The following HSPG2 variants were observed in gnomAD, a reference collection of about 807,000 sequenced individuals.
The protein encoded by HSPG2 is basement membrane-specific heparan sulfate proteoglycan core protein.
A neutral mutation model predicts 526.6 loss-of-function variants in HSPG2; 278 were observed. That is an observed-to-expected ratio of 0.53 (90% confidence interval 0.48 to 0.58). The LOEUF is 0.58. Ranked by LOEUF, HSPG2 falls within the 20% of genes least tolerant of loss-of-function variation. HSPG2 has a pLI of 0.00. For missense variants in HSPG2, 5,354 were observed against 6,099.5 expected (o/e 0.88, Z 4.07); for synonymous variants, 2,465 against 2,555.4 (o/e 0.96, Z 1.07).
chr1:21,841,504 C>T, intron 70 of HSPG2, 35 bp downstream of exon 70: 1 of 1,613,850 alleles, frequency 6.2e-7, no homozygotes, highest in Non-Finnish European at 8.5e-7. Flanking sequence ...GGGCTGGAAA[C>T]AGGGCAGAGC....
rs903217886 is a variant in HSPG2 at position 21,865,321 on chromosome 1, G to A, written c.4359C>T (p.Gly1453=). Residue 1453 remains glycine, a synonymous_variant, in exon 35 of 97, where the codon GGC becomes GGT. Coordinates refer to ENST00000374695, the MANE Select transcript of HSPG2 (RefSeq NM_005529.7). The surrounding 1 kb of genome is among the most constrained non-coding windows in gnomAD (Gnocchi z 5.4). ...TGATCTCGTAGCTCCTCCTCTCAGGGCCCTGCAGCGCTGGCTGGGAGGCCA... is the reference window on the plus strand; with the variant it reads ...TGATCTCGTAGCTCCTCCTCTCAGGACCCTGCAGCGCTGGCTGGGAGGCCA... ...MLVASQPALQ[G]PERRSYEIMF... is the part of the protein sequence containing the mutation. 9.3e-6 allele frequency: 15 copies of A among 1,614,112 alleles called. No individual in the cohort carries two copies. The highest frequency in any genetic ancestry group is 1.3e-5 in the Non-Finnish European group (15 of 1,179,994).
Position 21,838,867 on chromosome 1 carries a change from T to C in HSPG2, c.10108A>G (p.Lys3370Glu), listed in dbSNP as rs1280739440. Reference protein sequence around the residue: ...SGRYRCRVTNKVGSAEAFAQL... With the variant: ...SGRYRCRVTNEVGSAEAFAQL... ...GCAAAGGCCTCGGCTGAGCCCACCT[T>C]GTTGGTGACCCGGCAGCGGTAGCGG... The change falls in exon 74 of 97, where the codon AAG (lysine) becomes GAG (glutamate). Residue 3370 changes from lysine to glutamate, a missense_variant. Transcript: ENST00000374695. The C allele has an allele frequency of 6.2e-7, 1 of 1,612,796 alleles. No individual in the cohort carries two copies. Among genetic ancestry groups the C allele is most frequent in the East Asian group, 2.2e-5 (1 of 44,876 alleles).
In HSPG2 at chr1:21,828,204, C is replaced by T. The variant is rs191807581; in HGVS notation, c.12409+51G>A. 0.011 allele frequency: 17,738 copies of T among 1,612,736 alleles called. 123 individuals are homozygous for T. The highest frequency in any genetic ancestry group is 0.012 in the South Asian group (1,100 of 91,054). ...GTGGGTGGGCATGGGCTGGAGGTGT[C>T]GCTGACCACCTGTGCCCCTCCCCTC... On this transcript the variant is annotated intron_variant, in intron 89 of 96. Coordinates refer to ENST00000374695, the MANE Select transcript of HSPG2 (RefSeq NM_005529.7). This position sits in a 1 kb window ranked among gnomAD's most constrained non-coding sequence, Gnocchi z 6.0.
At chr1:21,919,581 T>C (rs976645261) in intron 1 of HSPG2, among the ~76,000 whole-genome samples, 8 of 151,460 alleles carry the variant, frequency 5.3e-5, no homozygotes, top group Non-Finnish European at 1.2e-4. Context: ...ATTGATGGAG[T>C]TTCTATGGCA....
Position 21,898,776 on chromosome 1 carries a change from T to C in HSPG2, c.64-2466A>G, listed in dbSNP as rs1341447568. Among the ~76,000 whole-genome samples, 1 of 152,182 alleles carries C rather than the reference T, an allele frequency of 6.6e-6. No homozygotes were observed. Among genetic ancestry groups the C allele is most frequent in the African/African-American group, 2.4e-5 (1 of 41,454 alleles). Reference sequence around the variant, plus strand: ...TCAACCTGGTGGGGGGCTCTGTCAATGCCAATCCCCCTCTCATTGCAACCA... The same window carrying C: ...TCAACCTGGTGGGGGGCTCTGTCAACGCCAATCCCCCTCTCATTGCAACCA... On this transcript the variant is annotated intron_variant, in intron 1 of 96. Transcript: ENST00000374695. The surrounding 1 kb of genome is among the most constrained non-coding windows in gnomAD (Gnocchi z 4.0).
chr1:21,892,484 G>A (rs985143963), intron 3 of HSPG2, among the ~76,000 whole-genome samples: 2 of 152,232 alleles, frequency 1.3e-5, no homozygotes, highest in East Asian at 1.9e-4. Context: ...TTCGTTCTTC[G>A]AGACCAAGGG....
At chr1:21,927,343 T>C (rs1644226626) in intron 1 of HSPG2, among the ~76,000 whole-genome samples, 1 of 152,088 alleles carries the variant, frequency 6.6e-6, no homozygotes, top group Non-Finnish European at 1.5e-5. Flanking sequence ...CCCAGGCCTG[T>C]GTGTCTCTCT....
chr1:21,845,425 C>T (rs1177036222), intron 64 of HSPG2, among the ~76,000 whole-genome samples: 1 of 152,062 alleles, frequency 6.6e-6, no homozygotes, highest in Non-Finnish European at 1.5e-5. Context: ...GTTGCCCAGG[C>T]TGGAGTGCAG....
At chr1:21,899,715 T>A (rs1642987573) in intron 1 of HSPG2, among the ~76,000 whole-genome samples, 1 of 152,206 alleles carries the variant, frequency 6.6e-6, no homozygotes. Context: ...TAGTATCACC[T>A]GAGTTGACAG....
rs16826011 is a variant in HSPG2 at position 21,872,921 on chromosome 1, G to A, written c.3888+76C>T. Reference sequence around the variant, plus strand: ...CATGCCCAGGTCTCGGCTTCCACCAGATGCTGCCTGATTTCCCCGCAGGGT... The same window carrying A: ...CATGCCCAGGTCTCGGCTTCCACCAAATGCTGCCTGATTTCCCCGCAGGGT... On this transcript the variant is annotated intron_variant, in intron 31 of 96. Transcript: ENST00000374695. This position sits in a 1 kb window ranked among gnomAD's most constrained non-coding sequence, Gnocchi z 5.5. 0.043 allele frequency: 67,358 copies of A among 1,552,066 alleles called. 3,776 individuals carry two copies. The highest frequency in any genetic ancestry group is 0.28 in the African/African-American group (20,406 of 73,814).
chr1:21,877,781 A>G (rs1288582067), intron 21 of HSPG2, among the ~76,000 whole-genome samples: 9 of 152,204 alleles, frequency 5.9e-5, no homozygotes, highest in Non-Finnish European at 1.5e-5. Context: ...TACAGGCGTG[A>G]GCCACTGCGC....
In HSPG2 at chr1:21,833,323, C is replaced by T. The variant is rs2098012702; in HGVS notation, c.11040G>A (p.Lys3680=). 1 of 1,614,012 alleles carries T rather than the reference C, an allele frequency of 6.2e-7. No homozygotes were observed. Among genetic ancestry groups the T allele is most frequent in the Non-Finnish European group, 8.5e-7 (1 of 1,179,924 alleles). The stretch of plus-strand genomic sequence containing the variant: ...TGATCTCGAACTTCCTGTAGGCATC[C>T]TTGATGGTGGGCAGCGGTAGGAAGG... ...PYSFLPLPTI[K]DAYRKFEIKI... is the part of the protein sequence containing the mutation. Residue 3680 remains lysine, a synonymous_variant, in exon 80 of 97, where the codon AAG becomes AAA. Transcript: ENST00000374695.
chr1:21,852,719 G>C lies in HSPG2; in HGVS notation c.6705C>G (p.Ile2235Met). The C allele has an allele frequency of 1.9e-6, 3 of 1,613,498 alleles. No homozygotes were observed. Among genetic ancestry groups the C allele is most frequent in the Non-Finnish European group, 2.5e-6 (3 of 1,180,016 alleles). The change falls in exon 52 of 97, where the codon ATC (isoleucine) becomes ATG (methionine). Residue 2235 changes from isoleucine to methionine, a missense_variant. By Grantham distance (10) the Ile-to-Met change is conservative (BLOSUM62 1). Coordinates refer to ENST00000374695, the MANE Select transcript of HSPG2 (RefSeq NM_005529.7). ...GPLEASVLVTIEASVIPGPIP... is the reference protein window; with the variant it reads ...GPLEASVLVTMEASVIPGPIP... ...ACTCACCAGGGATGACAGAGGCTTC[G>C]ATGGTGACCAGGACTGAGGCCTCTA...
Position 21,833,580 on chromosome 1 carries a change from T to A in HSPG2, c.10865A>T (p.Glu3622Val), listed in dbSNP as rs752382140. 3 of 1,614,150 alleles carry A rather than the reference T, an allele frequency of 1.9e-6. No homozygotes were observed. Among genetic ancestry groups the A allele is most frequent in the South Asian group, 2.2e-5 (2 of 91,084 alleles). ...TGAGGGCAGCATCAGCATGTTGTTCTCCAGGCGGCTGTCAGGTGGCAGGCT... is the reference window on the plus strand; with the variant it reads ...TGAGGGCAGCATCAGCATGTTGTTCACCAGGCGGCTGTCAGGTGGCAGGCT... ...DGSLPPDSRL[E>V]NNMLMLPSVR... is the part of the protein sequence containing the mutation. The change falls in exon 79 of 97, where the codon GAG becomes GTG. Residue 3622 changes from glutamate (E) to valine (V), a missense_variant. Glu to Val is a moderately radical substitution (Grantham distance 121). Transcript: ENST00000374695.
In HSPG2 at chr1:21,829,465, C is replaced by A; in HGVS notation, c.11910G>T (p.Gly3970=). The change falls in exon 87 of 97, where the codon GGG becomes GGT. Residue 3970 remains glycine (G), a synonymous_variant. Coordinates refer to ENST00000374695, the MANE Select transcript of HSPG2 (RefSeq NM_005529.7). ...LAPDGVLLFS[G]GKSGPVEDFV... ...AGTCCTCCACAGGCCCGCTCTTCCC[C>A]CCGCTGAACAGCAGGACCCCGTCAG... is the stretch of plus-strand genomic sequence containing the variant. 1.2e-6 allele frequency: 2 copies of A among 1,613,396 alleles called. No individual in the cohort carries two copies. The highest frequency in any genetic ancestry group is 1.7e-6 in the Non-Finnish European group (2 of 1,179,852).
chr1:21,870,892 G>T (rs566677126), intron 33 of HSPG2: 6 of 986,218 alleles, frequency 6.1e-6, no homozygotes, highest in African/African-American at 1.7e-5. Context: ...GCAGGGAAAT[G>T]CCAGGACAGG....
chr1:21,875,848 G>T lies in HSPG2; in HGVS notation c.3183+15C>A, dbSNP rs1427262958. 1 of 1,613,620 alleles carries T rather than the reference G, an allele frequency of 6.2e-7. No homozygotes were observed. Among genetic ancestry groups the T allele is most frequent in the African/African-American group, 1.3e-5 (1 of 75,068 alleles). ...CCTGCCCGCACCCCTACCCCCAGGG[G>T]ACAGTATTGCTCACCTCCCGGAAAG... On this transcript the variant is annotated intron_variant, in intron 24 of 96. Coordinates refer to ENST00000374695, the MANE Select transcript of HSPG2 (RefSeq NM_005529.7).
At chr1:21,927,036 G>A (rs1056450929) in intron 1 of HSPG2, among the ~76,000 whole-genome samples, 1 of 152,166 alleles carries the variant, frequency 6.6e-6, no homozygotes, top group South Asian at 2.1e-4. Flanking sequence ...GGCGCAGGGA[G>A]TGGGGAGGTG....
At position 21,828,145 on chromosome 1, in the gene HSPG2, C is replaced by G; in HGVS notation, c.12417G>C (p.Leu4139=). The G allele has an allele frequency of 6.2e-7, 1 of 1,611,772 alleles. No individual in the cohort carries two copies. The highest frequency in any genetic ancestry group is 1.7e-5 in the Admixed American group (1 of 59,940). The change falls in exon 90 of 97, where the codon CTG becomes CTC. Residue 4139 remains leucine (L), a synonymous_variant. Transcript: ENST00000374695. The surrounding 1 kb of genome is among the most constrained non-coding windows in gnomAD (Gnocchi z 6.0). ...GGCAGGGGTTCTCCTCGTGCTCACA[C>G]AGGTCTCCTGTGGGCCAGGGCAGAG... ...CLCRDGFKGD[L]CEHEENPCQL...
Sources: gnomAD v4.1 joint callset for allele counts (sites outside exome capture counted in the v4.1 genomes callset) on GRCh38, gnomAD v4.1.1 for gene constraint, Gnocchi (gnomAD v3.1) non-coding constraint, MANE v1.5 for transcripts, NCBI Gene and HGNC (gene_info 2026-07-23, HGNC 2026-07-21) for gene names.